KLF8: variants seen among roughly 807,000 people sequenced by gnomAD.
The protein encoded by KLF8 is Krueppel-like factor 8.
Under a neutral mutation model 18.2 loss-of-function variants are expected in KLF8, and 10 were observed. That is an observed-to-expected ratio of 0.55 (90% confidence interval 0.34 to 0.93). The LOEUF is 0.93. Ranked by LOEUF, KLF8 falls within the 40% of genes least tolerant of loss-of-function variation. The pLI is 0.02. For missense variants in KLF8, 264 were observed against 277.9 expected (o/e 0.95, Z 0.36); for synonymous variants, 109 against 97.3 (o/e 1.12, Z -0.71).
At chrX:56,239,925 T>C (rs1188591196) in intron 1 of KLF8, among the ~76,000 whole-genome samples, 1 of 112,163 alleles carries the variant, frequency 8.9e-6, no homozygotes, top group Non-Finnish European at 1.9e-5. Flanking sequence ...AAGTACAGTA[T>C]CTTCAGAAAG....
chrX:56,169,189 G>A, the KLF8 span, among the ~76,000 whole-genome samples: 1 of 111,269 alleles, frequency 9.0e-6, no homozygotes, highest in Non-Finnish European at 1.9e-5. Context: ...ATAATCAGAG[G>A]TAATACCCAG....
intron 2 of KLF8, among the ~76,000 whole-genome samples, chrX:56,262,507 G>T (rs1353488542): frequency 9.0e-6 from 1 of 111,217 alleles, no homozygotes; most frequent in Non-Finnish European, 1.9e-5. Flanking sequence ...TTATAGTTAG[G>T]ATTCAAAGCT....
the KLF8 span, among the ~76,000 whole-genome samples, chrX:56,042,463 TG>T: frequency 1.8e-5 from 2 of 111,568 alleles, no homozygotes; most frequent in Non-Finnish European, 3.8e-5. Flanking sequence ...CCACTATTTT[TG>T]TGTGGGAGTC....
At chrX:56,212,470 AG>A in the KLF8 span, among the ~76,000 whole-genome samples, 145 of 111,990 alleles carry the variant, frequency 1.3e-3, 1 homozygote, top group African/African-American at 4.5e-3. Flanking sequence ...CTCAGTGATG[AG>A]GTTTGTGGGA....
At chrX:55,993,839 A>G in the KLF8 span, among the ~76,000 whole-genome samples, 2 of 109,184 alleles carry the variant, frequency 1.8e-5, no homozygotes, top group African/African-American at 6.7e-5. Context: ...CTTTCTGGTC[A>G]ATCTTGGGAG....
At chrX:56,045,533 T>G in the KLF8 span, among the ~76,000 whole-genome samples, 4 of 112,368 alleles carry the variant, frequency 3.6e-5, no homozygotes, top group African/African-American at 1.3e-4. Flanking sequence ...TCTGTGAAAA[T>G]AAGATTTGTT....
At chrX:56,222,979 C>T in the KLF8 span, among the ~76,000 whole-genome samples, 380 of 112,919 alleles carry the variant, frequency 3.4e-3, 2 homozygotes, top group African/African-American at 0.012. Context: ...CTGGCCTCAG[C>T]CATCCCAGGA....
At chrX:56,207,085 A>C in the KLF8 span, among the ~76,000 whole-genome samples, 1 of 112,480 alleles carries the variant, frequency 8.9e-6, no homozygotes, top group South Asian at 3.7e-4. Flanking sequence ...GACACAATGC[A>C]TCAAGTCCCG....
chrX:56,035,716 A>G, the KLF8 span, among the ~76,000 whole-genome samples: 1 of 111,930 alleles, frequency 8.9e-6, no homozygotes, highest in Non-Finnish European at 1.9e-5. Context: ...ATGATTAGTG[A>G]TGTTGAACAT....
chrX:56,047,197 GA>G, the KLF8 span, among the ~76,000 whole-genome samples: 1 of 82,866 alleles, frequency 1.2e-5, no homozygotes, highest in African/African-American at 4.6e-5. Context: ...GTGTGTCCTT[GA>G]TTTCCAGAAG....
chrX:56,249,844 T>C (rs1296180092), intron 1 of KLF8, among the ~76,000 whole-genome samples: 1 of 111,428 alleles, frequency 9.0e-6, no homozygotes, highest in African/African-American at 3.3e-5. Context: ...TCTAGAGAGA[T>C]TTGGCCTTGA....
intron 1 of KLF8, among the ~76,000 whole-genome samples, chrX:56,247,397 C>A (rs775824347): frequency 1.8e-5 from 2 of 111,505 alleles, no homozygotes; most frequent in African/African-American, 3.3e-5. Context: ...AATGTTAAGG[C>A]CTAGGACATT....
At chrX:55,936,037 G>A in the KLF8 span, among the ~76,000 whole-genome samples, 1 of 111,959 alleles carries the variant, frequency 8.9e-6, no homozygotes, top group Non-Finnish European at 1.9e-5. Flanking sequence ...TTAGCTGCAT[G>A]GATTTTCATT....
chrX:56,243,288 T>C, intron 1 of KLF8: 1 of 399,919 alleles, frequency 2.5e-6, no homozygotes, highest in Non-Finnish European at 4.6e-6. Flanking sequence ...GGTGTGTGGA[T>C]CTTCTTTTTT....
the KLF8 span, among the ~76,000 whole-genome samples, chrX:56,190,038 A>C: frequency 3.6e-5 from 4 of 110,523 alleles, no homozygotes; most frequent in African/African-American, 1.3e-4. Context: ...AAATTAAAAA[A>C]ATAAAAAAAT....
At chrX:56,023,435 A>C in the KLF8 span, among the ~76,000 whole-genome samples, 108 of 112,104 alleles carry the variant, frequency 9.6e-4, no homozygotes, top group African/African-American at 3.3e-3. Flanking sequence ...AAAGACACAA[A>C]CAGGATGAAA....
the KLF8 span, among the ~76,000 whole-genome samples, chrX:56,153,894 A>T: frequency 9.0e-6 from 1 of 111,590 alleles, no homozygotes; most frequent in Non-Finnish European, 1.9e-5. Flanking sequence ...GACCTCTTCA[A>T]GGTGAACTAC....
chrX:56,242,451 A>C (rs754254874), intron 1 of KLF8, among the ~76,000 whole-genome samples: 1 of 112,428 alleles, frequency 8.9e-6, no homozygotes, highest in South Asian at 3.7e-4. Flanking sequence ...TTATCTTTAC[A>C]TCTTATAAGA....
the KLF8 span, among the ~76,000 whole-genome samples, chrX:56,186,170 G>C: frequency 9.0e-6 from 1 of 111,684 alleles, no homozygotes; most frequent in Non-Finnish European, 1.9e-5. Context: ...AAAATAAAAG[G>C]ATGGAGGAAG....
Sources: gnomAD v4.1 joint callset for allele counts (sites outside exome capture counted in the v4.1 genomes callset) on GRCh38, gnomAD v4.1.1 for gene constraint, MANE v1.5 for transcripts, NCBI Gene and HGNC (gene_info 2026-07-23, HGNC 2026-07-21) for gene names.